C12orf56: variants seen among roughly 807,000 people sequenced by gnomAD.
C12orf56 encodes the protein chromosome 12 open reading frame 56.
Under a neutral mutation model 69.9 loss-of-function variants are expected in C12orf56, and 71 were observed. The observed-to-expected ratio is 1.02, with a 90% CI of 0.84 to 1.24. C12orf56 has a LOEUF of 1.24. C12orf56 is among the 50% of genes most tolerant of loss of function. The pLI, the probability that C12orf56 is intolerant of heterozygous loss-of-function variation, is 0.00. For synonymous variants in C12orf56, 276 were observed against 274.1 expected (o/e 1.01, Z -0.07); for missense variants, 732 against 738.5 (o/e 0.99, Z 0.10).
At chr12:64,319,824 G>A (rs1341434599) in intron 3 of C12orf56, among the ~76,000 whole-genome samples, 1 of 152,218 alleles carries the variant, frequency 6.6e-6, no homozygotes, top group African/African-American at 2.4e-5. Flanking sequence ...TATAAACCCA[G>A]GCATTTGAGC....
At chr12:64,386,005 A>G (rs545258880) in intron 1 of C12orf56, among the ~76,000 whole-genome samples, 3 of 152,016 alleles carry the variant, frequency 2.0e-5, no homozygotes, top group African/African-American at 4.8e-5. Context: ...CTATAAATAA[A>G]TTAAATTAAT....
chr12:64,361,751 A>T (rs2039402520), intron 1 of C12orf56, among the ~76,000 whole-genome samples: 1 of 149,930 alleles, frequency 6.7e-6, no homozygotes, highest in Non-Finnish European at 1.5e-5. Flanking sequence ...TTTTTTTTTG[A>T]GATGGAGTTT....
intron 1 of C12orf56, among the ~76,000 whole-genome samples, chr12:64,366,061 G>T: frequency 1.2e-5 from 1 of 81,436 alleles, no homozygotes; most frequent in Non-Finnish European, 2.1e-5. Context: ...ATAATATATA[G>T]CTTGTATAAT....
At chr12:64,329,123 C>T (rs951961763) in intron 3 of C12orf56, among the ~76,000 whole-genome samples, 1 of 152,072 alleles carries the variant, frequency 6.6e-6, no homozygotes, top group South Asian at 2.1e-4. Flanking sequence ...TTCTTTCCCA[C>T]CTTCCAGACT....
At chr12:64,364,224 A>G (rs2039435751) in intron 1 of C12orf56, among the ~76,000 whole-genome samples, 1 of 152,100 alleles carries the variant, frequency 6.6e-6, no homozygotes, top group Non-Finnish European at 1.5e-5. Context: ...TCGAGGTTGC[A>G]GTGAGCCGAG....
intron 5 of C12orf56, among the ~76,000 whole-genome samples, chr12:64,309,494 TTTTTGTTTG>T (rs1052125044): frequency 2.7e-5 from 1 of 37,178 alleles, no homozygotes; most frequent in Non-Finnish European, 6.8e-5. Context: ...TCACACTGTT[TTTTTGTTTG>T]TTTGTTTGTT....
chr12:64,281,406 T>G (rs1010463830), intron 8 of C12orf56, among the ~76,000 whole-genome samples: 1 of 151,704 alleles, frequency 6.6e-6, no homozygotes. Context: ...CCGTCTTAAC[T>G]AAAAACATAA....
rs184624656 is a variant in C12orf56, at chr12:64,275,841, A to G, written c.1435-469T>C. ...AGGCTGGTATGGAACTCTTGGCCTC[A>G]AGTGATTCTCCCACCTCTGCCTCCT... On this transcript the variant is annotated intron_variant, in intron 9 of 12. Coordinates refer to ENST00000543942, the MANE Select transcript of C12orf56 (RefSeq NM_001170633.2). 6.6e-3 allele frequency among the ~76,000 whole-genome samples: 1,004 copies of G among 152,192 alleles called. 13 individuals are homozygous for G. The highest frequency in any genetic ancestry group is 0.023 in the African/African-American group (955 of 41,518).
chr12:64,374,898 A>G (rs887396396), intron 1 of C12orf56, among the ~76,000 whole-genome samples: 1 of 152,036 alleles, frequency 6.6e-6, no homozygotes, highest in African/African-American at 2.4e-5. Context: ...CAGGTTTGCT[A>G]TTAGGTTGGT....
intron 3 of C12orf56, among the ~76,000 whole-genome samples, chr12:64,326,711 G>T (rs1398299920): frequency 2.0e-5 from 3 of 149,442 alleles, no homozygotes; most frequent in Middle Eastern, 3.5e-3. Flanking sequence ...CTGCACTCCA[G>T]CCTGGGCGAC....
intron 1 of C12orf56, among the ~76,000 whole-genome samples, chr12:64,368,998 G>A (rs1416444027): frequency 2.6e-5 from 4 of 152,040 alleles, no homozygotes; most frequent in African/African-American, 7.3e-5. Context: ...GGAGTAACTT[G>A]AATGCAAATC....
intron 1 of C12orf56, 24 bp from the exon 2 acceptor site, chr12:64,353,080 C>T (rs762219364): frequency 1.0e-5 from 16 of 1,605,834 alleles, no homozygotes; most frequent in Non-Finnish European, 1.4e-5. Flanking sequence ...TAATTCACCT[C>T]ATTGAAGACA....
chr12:64,309,100 C>T (rs528908756), intron 5 of C12orf56, among the ~76,000 whole-genome samples: 1 of 152,250 alleles, frequency 6.6e-6, no homozygotes, highest in Admixed American at 6.5e-5. Flanking sequence ...TACAAACACA[C>T]ATATATACTT....
rs576278397 is a variant in C12orf56 at position 64,274,942 on chromosome 12, T to C, written c.1543A>G (p.Ile515Val). The C allele has an allele frequency of 5.6e-6, 9 of 1,612,714 alleles. No homozygotes were observed. The South Asian group carries it at 8.8e-5, about 16-fold the overall frequency. ...NLGLGSTKFA[I>V]SWIMSFLQSC... ...TGTAGAAAGGACATTATCCAGCTAA[T>C]AGCAAACTTTGTGGATCCCAATCCG... is the stretch of plus-strand genomic sequence containing the variant. The change falls in exon 11 of 13, where the codon ATT becomes GTT. Residue 515 changes from isoleucine (I) to valine (V), a missense_variant. Physicochemically the swap from Ile to Val is conservative, Grantham distance 29. Transcript: ENST00000543942.
intron 3 of C12orf56, among the ~76,000 whole-genome samples, chr12:64,330,545 T>C (rs1419157512): frequency 6.6e-6 from 1 of 152,216 alleles, no homozygotes; most frequent in African/African-American, 2.4e-5. Context: ...ACTTAGCATG[T>C]GGACTATGTA....
At chr12:64,272,642 C>T (rs2038005240) in intron 11 of C12orf56, among the ~76,000 whole-genome samples, 1 of 151,642 alleles carries the variant, frequency 6.6e-6, no homozygotes, top group South Asian at 2.1e-4. Flanking sequence ...ACCCAGATTT[C>T]CACACATCAG....
At chr12:64,274,243 AG>A (rs1165412810) in intron 11 of C12orf56, among the ~76,000 whole-genome samples, 2 of 147,168 alleles carry the variant, frequency 1.4e-5, no homozygotes, top group Non-Finnish European at 3.0e-5. Flanking sequence ...AGCTGCAGGG[AG>A]GGGGGTGGTG....
Position 64,270,434 on chromosome 12 carries a change from T to C in C12orf56, c.1763+102A>G, listed in dbSNP as rs1189756153. The C allele has an allele frequency of 2.9e-6, 3 of 1,027,916 alleles. No homozygotes were observed. The East Asian group carries it at 8.4e-5, about 29-fold the overall frequency. 63.7% of individuals were successfully genotyped at this position (1,027,916 alleles called of 1,614,324 possible). ...CAAACAAACAAAAAAGAATTCCTGATAAATACCTAATCTTCTAAATATTGG... is the reference window on the plus strand; with the variant it reads ...CAAACAAACAAAAAAGAATTCCTGACAAATACCTAATCTTCTAAATATTGG... On this transcript the variant is annotated intron_variant, in intron 12 of 12. Transcript: ENST00000543942.
intron 1 of C12orf56, among the ~76,000 whole-genome samples, chr12:64,363,868 G>T (rs1031940772): frequency 6.6e-6 from 1 of 151,834 alleles, no homozygotes; most frequent in African/African-American, 2.4e-5. Context: ...TTTTACTTTT[G>T]GTGTACAAGC....
Sources: gnomAD v4.1 joint callset for allele counts (sites outside exome capture counted in the v4.1 genomes callset) on GRCh38, gnomAD v4.1.1 for gene constraint, MANE v1.5 for transcripts, NCBI Gene and HGNC (gene_info 2026-07-23, HGNC 2026-07-21) for gene names.